Variants in PCTP observed in about 807,000 individuals in gnomAD.
PCTP encodes the protein START domain-containing protein 2.
PCTP carries 27 observed loss-of-function variants against 31.0 expected under a neutral mutation model. The observed-to-expected ratio is 0.87, with a 90% CI of 0.64 to 1.20. The LOEUF is 1.20. Among genes scored for constraint, PCTP ranks in the 50% most tolerant of loss-of-function variants. The pLI is 0.00. For missense variants in PCTP, 287 were observed against 268.2 expected (o/e 1.07, Z -0.49); for synonymous variants, 108 against 101.2 (o/e 1.07, Z -0.40).
intron 2 of PCTP, chr17:55,769,518 T>A (rs1039871576): frequency 6.6e-6 from 1 of 152,214 alleles, no homozygotes; most frequent in African/African-American, 2.4e-5. Flanking sequence ...CAGTGACCAG[T>A]GATGGCATCT....
intron 1 of PCTP, among the ~76,000 whole-genome samples, chr17:55,756,525 C>A (rs1567709770): frequency 6.6e-6 from 1 of 152,130 alleles, no homozygotes; most frequent in Non-Finnish European, 1.5e-5. Context: ...CTCGAGACAG[C>A]TTTACAAACC....
At chr17:55,801,299 G>T (rs1057355297) in intron 3 of PCTP, among the ~76,000 whole-genome samples, 2 of 152,142 alleles carry the variant, frequency 1.3e-5, no homozygotes, top group African/African-American at 2.4e-5. Flanking sequence ...ATATTAGACA[G>T]ATCAGTGTGG....
chr17:55,771,831 T>A (rs1911022743), intron 3 of PCTP, among the ~76,000 whole-genome samples: 2 of 151,968 alleles, frequency 1.3e-5, no homozygotes, highest in Non-Finnish European at 2.9e-5. Context: ...AGGATGGAAT[T>A]TTGGGGGTGG....
chr17:55,817,100 T>A (rs1445052731), intron 3 of PCTP, among the ~76,000 whole-genome samples: 2 of 152,216 alleles, frequency 1.3e-5, no homozygotes, highest in Non-Finnish European at 2.9e-5. Flanking sequence ...AACCACATTT[T>A]GTAGACAGAG....
At chr17:55,837,207 C>T (rs12940392) in intron 5 of PCTP, among the ~76,000 whole-genome samples, 15,708 of 152,218 alleles carry the variant, frequency 0.1, 1,150 homozygotes, top group East Asian at 0.35. Flanking sequence ...TTGTGAGCCG[C>T]ATGAAGAACT....
intron 2 of PCTP, among the ~76,000 whole-genome samples, chr17:55,786,305 A>C (rs1208327566): frequency 6.6e-6 from 1 of 152,200 alleles, no homozygotes; most frequent in African/African-American, 2.4e-5. Flanking sequence ...AGAATAAAAT[A>C]GCCATGTGTG....
chr17:55,815,398 A>C (rs189560143), intron 3 of PCTP, among the ~76,000 whole-genome samples: 6 of 152,322 alleles, frequency 3.9e-5, no homozygotes, highest in Non-Finnish European at 8.8e-5. Flanking sequence ...CTGAAATACA[A>C]TTTATCTGCC....
chr17:55,796,346 C>T (rs534719218), intron 3 of PCTP, among the ~76,000 whole-genome samples: 4 of 152,046 alleles, frequency 2.6e-5, no homozygotes, highest in Admixed American at 1.3e-4. Context: ...GTAGCACAGT[C>T]TATACTATTT....
intron 1 of PCTP, among the ~76,000 whole-genome samples, chr17:55,759,785 A>G (rs990659926): frequency 4.6e-5 from 7 of 152,162 alleles, no homozygotes; most frequent in African/African-American, 1.7e-4. Flanking sequence ...CCAGGCCTGG[A>G]TGGGTGATGG....
the PCTP span, among the ~76,000 whole-genome samples, chr17:55,852,340 A>C: frequency 5.1e-4 from 77 of 151,954 alleles, no homozygotes; most frequent in African/African-American, 1.8e-3. Flanking sequence ...TACTGTAACC[A>C]CTCTCCTGGA....
At chr17:55,768,330 G>T (rs1005758348) in intron 2 of PCTP, among the ~76,000 whole-genome samples, 1 of 152,064 alleles carries the variant, frequency 6.6e-6, no homozygotes, top group African/African-American at 2.4e-5. Flanking sequence ...ATGTATCTAG[G>T]TTGTCATGAA....
chr17:55,808,405 A>G (rs1007302924), intron 3 of PCTP, among the ~76,000 whole-genome samples: 2 of 152,242 alleles, frequency 1.3e-5, no homozygotes, highest in African/African-American at 4.8e-5. Context: ...ATCCATAAAA[A>G]GGAGGTAACT....
At chr17:55,773,617 C>A in intron 3 of PCTP, 107 bp from the exon 4 acceptor site, 1 of 1,092,468 alleles carries the variant, frequency 9.2e-7, no homozygotes. Flanking sequence ...GGAGCAAATG[C>A]CAAGTGGGAG....
chr17:55,847,736 G>A (rs2145101017), downstream of PCTP, among the ~76,000 whole-genome samples: 1 of 152,268 alleles, frequency 6.6e-6, no homozygotes, highest in African/African-American at 2.4e-5. Flanking sequence ...GTTCAAAGCA[G>A]TCAGACAGGA....
At chr17:55,808,161 C>G (rs968461695) in intron 3 of PCTP, among the ~76,000 whole-genome samples, 15 of 152,172 alleles carry the variant, frequency 9.9e-5, no homozygotes, top group Non-Finnish European at 1.9e-4. Flanking sequence ...GGTCACATAG[C>G]TTATAAATAT....
In PCTP at chr17:55,774,826, A is replaced by G. The variant is rs1251864901; in HGVS notation, c.546A>G (p.Gln182=). The change falls in exon 5 of 6, where the codon CAA becomes CAG. Residue 182 remains glutamine, a synonymous_variant. Transcript: ENST00000268896. ...FMYYFDNPGG[Q]IPSWLINWAA... is the part of the protein sequence containing the mutation. ...ATTACTTCGATAACCCGGGTGGCCAAATTCCGTCCTGGCTCATTAACTGGG... is the reference window on the plus strand; with the variant it reads ...ATTACTTCGATAACCCGGGTGGCCAGATTCCGTCCTGGCTCATTAACTGGG... 7 of 1,446,862 alleles carry G rather than the reference A, an allele frequency of 4.8e-6. No individual in the cohort carries two copies. The highest frequency in any genetic ancestry group is 5.6e-6 in the Non-Finnish European group (6 of 1,076,954). The allele number at this position is 1,446,862 out of a possible 1,614,324, so 89.6% of individuals were successfully genotyped here. A position where few individuals can be genotyped will look rare whatever the true frequency, so the allele number is the denominator to read the frequency against.
intron 1 of PCTP, among the ~76,000 whole-genome samples, chr17:55,758,475 C>T (rs1468749869): frequency 6.6e-6 from 1 of 152,230 alleles, no homozygotes; most frequent in Non-Finnish European, 1.5e-5. Context: ...GAAATCCCTA[C>T]TCCTATTTCC....
At chr17:55,758,270 T>A (rs981970655) in intron 1 of PCTP, among the ~76,000 whole-genome samples, 8 of 152,186 alleles carry the variant, frequency 5.3e-5, no homozygotes, top group African/African-American at 9.7e-5. Context: ...GGGCTTCTAA[T>A]CAAAGAGTTT....
chr17:55,764,260 G>A (rs973767356), intron 1 of PCTP, among the ~76,000 whole-genome samples: 1 of 152,234 alleles, frequency 6.6e-6, no homozygotes, highest in East Asian at 1.9e-4. Flanking sequence ...TGCTTAGAAT[G>A]TGTGGAAAAC....
Sources: gnomAD v4.1 joint callset for allele counts (sites outside exome capture counted in the v4.1 genomes callset) on GRCh38, gnomAD v4.1.1 for gene constraint, MANE v1.5 for transcripts, NCBI Gene and HGNC (gene_info 2026-07-23, HGNC 2026-07-21) for gene names.